WDFY4: variants seen among roughly 807,000 people sequenced by gnomAD.
The protein encoded by WDFY4 is WD repeat- and FYVE domain-containing protein 4.
In WDFY4, 169 loss-of-function variants were observed where a neutral mutation model predicts 351.9. That is an observed-to-expected ratio of 0.48 (90% CI 0.42 to 0.55). The LOEUF (loss-of-function observed/expected upper bound fraction) is 0.55, where lower values mean the gene tolerates loss of function less well. Ranked by LOEUF, WDFY4 falls within the 20% of genes least tolerant of loss-of-function variation. The pLI is 0.00. For missense variants in WDFY4, 3,803 were observed against 3,935.6 expected (o/e 0.97, Z 0.90); for synonymous variants, 1,622 against 1,574.6 (o/e 1.03, Z -0.71).
chr10:48,933,091 T>G (rs1253676674), intron 47 of WDFY4, among the ~76,000 whole-genome samples: 11 of 150,326 alleles, frequency 7.3e-5, no homozygotes, highest in East Asian at 2.0e-4. Flanking sequence ...AAGAGGGGAG[T>G]CTGTGCTGAA....
intron 51 of WDFY4, among the ~76,000 whole-genome samples, 160 bp from the exon 52 acceptor site, chr10:48,956,969 C>A (rs1251807940): frequency 6.6e-6 from 1 of 152,152 alleles, no homozygotes; most frequent in African/African-American, 2.4e-5. Context: ...GCTGGAGAAC[C>A]ACGGCACACA....
chr10:48,748,621 G>A (rs1000061102), intron 12 of WDFY4, among the ~76,000 whole-genome samples: 2 of 152,202 alleles, frequency 1.3e-5, no homozygotes, highest in Non-Finnish European at 2.9e-5. Flanking sequence ...TGTGTCAAAT[G>A]TCATCCTGGT....
chr10:48,720,044 C>G lies in WDFY4; in HGVS notation c.268C>G (p.Pro90Ala). 1 of 1,551,776 alleles carries G rather than the reference C, an allele frequency of 6.4e-7. No homozygotes were observed. The highest frequency in any genetic ancestry group is 8.7e-7 in the Non-Finnish European group (1 of 1,146,998). Reference sequence around the variant, plus strand: ...ACACTCCGTGGGGATCATCTGCTTTCCCAGTCTCCAAAGGCTGGCTGAAGA... The same window carrying G: ...ACACTCCGTGGGGATCATCTGCTTTGCCAGTCTCCAAAGGCTGGCTGAAGA... ...WEHSVGIICF[P>A]SLQRLAEDVS... Residue 90 changes from proline (P) to alanine (A), a missense_variant, in exon 3 of 62, where the codon CCC (proline) becomes GCC (alanine). Physicochemically the swap from Pro to Ala is conservative, Grantham distance 27. Around this residue, in one of 3 missense-constraint regions of WDFY4, gnomAD observed 488 missense variants for 456.8 expected, o/e 1.07. Transcript: ENST00000325239.
At position 48,743,429 on chromosome 10, in the gene WDFY4, G is replaced by A; in HGVS notation, c.2340G>A (p.Leu780=). ...LDSMASGTLH[L]RGDLKESLRT... ...GCATGGCCAGCGGCACCCTCCACTT[G>A]CGTGGGGACCTGAAGGAGTCCCTGA... The change falls in exon 12 of 62, where the codon TTG becomes TTA. Residue 780 remains leucine (L), a synonymous_variant. Transcript: ENST00000325239. 1 of 1,551,212 alleles carries A rather than the reference G, an allele frequency of 6.4e-7. No homozygotes were observed. Among genetic ancestry groups the A allele is most frequent in the Admixed American group, 2.0e-5 (1 of 51,004 alleles).
At position 48,817,320 on chromosome 10, in the gene WDFY4, C is replaced by A; in HGVS notation, c.5416C>A (p.His1806Asn). 6.4e-7 allele frequency: 1 copy of A among 1,551,680 alleles called. No homozygotes were observed. Among genetic ancestry groups the A allele is most frequent in the African/African-American group, 1.4e-5 (1 of 73,198 alleles). ...ASVLQFLSLV[H>N]RTYPQDPAWR... is the part of the protein sequence containing the mutation. The stretch of plus-strand genomic sequence containing the variant: ...CGTGCTGCAGTTCCTCAGCCTCGTC[C>A]ACCGCACCTACCCCCAGGACCCAGC... The change falls in exon 32 of 62, where the codon CAC becomes AAC. Residue 1806 changes from histidine (H) to asparagine (N), a missense_variant. This residue lies in a region of WDFY4 where 3,054 missense variants were observed against 3,148.6 expected (regional missense o/e 0.97). Transcript: ENST00000325239.
At chr10:48,741,452 CAAAAAAAAAAA>C (rs55984300) in intron 11 of WDFY4, among the ~76,000 whole-genome samples, 1 of 66,324 alleles carries the variant, frequency 1.5e-5, no homozygotes, top group South Asian at 7.7e-4. Flanking sequence ...GACTCCGTCT[CAAAAAAAAAAA>C]AAAAAAAAAA....
chr10:48,787,171 A>C (rs2066431162), intron 20 of WDFY4, among the ~76,000 whole-genome samples: 1 of 152,234 alleles, frequency 6.6e-6, no homozygotes, highest in African/African-American at 2.4e-5. Context: ...TTTAATGAAG[A>C]AGCTTTTTAA....
Position 48,916,174 on chromosome 10 carries a change from T to G in WDFY4, c.7586+14311T>G, listed in dbSNP as rs75590885. ...GTAAAGACCAATCTGGCCACAAGTT[T>G]CCTGAACTCCTTTTTCTCCCCTCAA... On this transcript the variant is annotated intron_variant, in intron 47 of 61. Coordinates refer to ENST00000325239, the MANE Select transcript of WDFY4 (RefSeq NM_001394531.1). Among the ~76,000 whole-genome samples, 608 of 152,296 alleles carry G rather than the reference T, an allele frequency of 4.0e-3. 9 individuals carry two copies. The highest frequency in any genetic ancestry group is 0.014 in the African/African-American group (585 of 41,552).
intron 47 of WDFY4, among the ~76,000 whole-genome samples, chr10:48,926,255 GC>G (rs1839564189): frequency 6.6e-6 from 1 of 152,178 alleles, no homozygotes; most frequent in South Asian, 2.1e-4. Flanking sequence ...CCCCTCCATG[GC>G]CCCAGGCCCC....
chr10:48,714,893 G>A (rs977420688), intron 2 of WDFY4, among the ~76,000 whole-genome samples: 1 of 152,198 alleles, frequency 6.6e-6, no homozygotes, highest in African/African-American at 2.4e-5. Context: ...CCCTTCAAGA[G>A]GTGGGATCTT....
At chr10:48,908,459 C>T (rs956514153) in intron 47 of WDFY4, among the ~76,000 whole-genome samples, 18 of 152,080 alleles carry the variant, frequency 1.2e-4, no homozygotes, top group African/African-American at 3.6e-4. Flanking sequence ...TTAGATTAGC[C>T]GGCTGAGCCG....
chr10:48,710,458 G>A (rs372766232), intron 2 of WDFY4, among the ~76,000 whole-genome samples: 10 of 152,188 alleles, frequency 6.6e-5, no homozygotes, highest in African/African-American at 2.4e-4. Flanking sequence ...TGACAAGCAA[G>A]GCTCATTTCT....
intron 14 of WDFY4, among the ~76,000 whole-genome samples, chr10:48,775,322 G>T (rs2065995733): frequency 6.6e-6 from 1 of 152,172 alleles, no homozygotes; most frequent in Admixed American, 6.5e-5. Context: ...TTATACACAG[G>T]AGCAAGTGTA....
intron 24 of WDFY4, among the ~76,000 whole-genome samples, chr10:48,799,000 GATA>G (rs2066965991): frequency 6.6e-6 from 1 of 152,180 alleles, no homozygotes; most frequent in South Asian, 2.1e-4. Context: ...CACTAAATAA[GATA>G]ATGTGTCTTG....
chr10:48,938,328 T>G (rs553423015), intron 47 of WDFY4, among the ~76,000 whole-genome samples: 1 of 152,370 alleles, frequency 6.6e-6, no homozygotes, highest in South Asian at 2.1e-4. Context: ...AGCCTCCTAG[T>G]GCCAGGTGAA....
intron 51 of WDFY4, among the ~76,000 whole-genome samples, chr10:48,955,381 A>G (rs1007215477): frequency 6.6e-6 from 1 of 152,200 alleles, no homozygotes; most frequent in African/African-American, 2.4e-5. Context: ...GACTCAGTAA[A>G]TGGACCAGCC....
chr10:48,788,688 A>C lies in WDFY4; in HGVS notation c.3954+13A>C, dbSNP rs1267525606. ...GATCGCCAAAGAGGTACATCTTCTAACTTCGCTGCTAATCTCTGTTGGAAT... is the reference window on the plus strand; with the variant it reads ...GATCGCCAAAGAGGTACATCTTCTACCTTCGCTGCTAATCTCTGTTGGAAT... On this transcript the variant is annotated intron_variant, in intron 21 of 61. Coordinates refer to ENST00000325239, the MANE Select transcript of WDFY4 (RefSeq NM_001394531.1). 6.4e-7 allele frequency: 1 copy of C among 1,550,964 alleles called. No homozygotes were observed. The highest frequency in any genetic ancestry group is 1.4e-5 in the African/African-American group (1 of 73,036).
chr10:48,781,292 G>GTA (rs917600779), intron 19 of WDFY4, among the ~76,000 whole-genome samples: 211 of 151,036 alleles, frequency 1.4e-3, no homozygotes, highest in African/African-American at 4.1e-3. Flanking sequence ...GTGTGTGTGT[G>GTA]TATATATATA....
At chr10:48,924,567 G>A (rs1564492833) in intron 47 of WDFY4, among the ~76,000 whole-genome samples, 3 of 152,232 alleles carry the variant, frequency 2.0e-5, no homozygotes, top group South Asian at 2.1e-4. Context: ...GAACAGCTTA[G>A]CAGCTCAAAT....
Sources: allele counts gnomAD v4.1 joint callset (sites outside exome capture counted in the v4.1 genomes callset), GRCh38; gene constraint gnomAD v4.1.1; regional missense constraint gnomAD v4.1.1; transcripts MANE v1.5; gene names NCBI Gene and HGNC (gene_info 2026-07-23, HGNC 2026-07-21).